TM7SF3: variants seen among roughly 807,000 people sequenced by gnomAD.
TM7SF3 encodes transmembrane 7 superfamily member 3.
A neutral mutation model predicts 65.5 loss-of-function variants in TM7SF3; 60 were observed. The ratio of observed to expected loss-of-function variants is 0.92; its 90% CI spans 0.74 to 1.14. TM7SF3 has a LOEUF of 1.14. TM7SF3 is among the 50% of genes most tolerant of loss of function. The probability of loss-of-function intolerance (pLI) is 0.00; values close to 1 mark genes in which losing one functional copy is unlikely to be tolerated. For synonymous variants in TM7SF3, 264 were observed against 259.6 expected (o/e 1.02, Z -0.16); for missense variants, 623 against 684.8 (o/e 0.91, Z 1.01).
rs549126027 is a variant in TM7SF3 at position 26,999,745 on chromosome 12, G to A, written c.247-69C>T. On this transcript the variant is annotated intron_variant, in intron 2 of 11. Coordinates refer to ENST00000343028, the MANE Select transcript of TM7SF3 (RefSeq NM_016551.3). ...AAACATAAATTACTGAGCTGATCCA[G>A]TGTGCATGTCCTATTCCAAATCTTC... is the stretch of plus-strand genomic sequence containing the variant. 9.8e-6 allele frequency: 15 copies of A among 1,533,510 alleles called. No individual in the cohort carries two copies. The South Asian group carries it at 1.7e-4, about 17-fold the overall frequency. The allele number at this position is 1,533,510 out of a possible 1,614,324, so 95.0% of individuals were successfully genotyped here. A position where few individuals can be genotyped will look rare whatever the true frequency, so the allele number is the denominator to read the frequency against.
intron 1 of TM7SF3, chr12:27,012,826 C>G (rs1450651031): frequency 2.4e-6 from 1 of 412,682 alleles, no homozygotes; most frequent in African/African-American, 2.1e-5. Flanking sequence ...GGTGAAACCC[C>G]GCCTGTACTA....
intron 4 of TM7SF3, among the ~76,000 whole-genome samples, 198 bp downstream of exon 4, chr12:26,996,543 AC>A (rs1167602709): frequency 2.6e-5 from 4 of 152,240 alleles, no homozygotes; most frequent in Admixed American, 1.3e-4. Context: ...AAAAGAGTTC[AC>A]AAGAATGAAG....
At chr12:26,981,571 TTGTTACAGAATCATTCTACA>T (rs1939818116) in intron 7 of TM7SF3, among the ~76,000 whole-genome samples, 2 of 152,160 alleles carry the variant, frequency 1.3e-5, no homozygotes, top group East Asian at 3.8e-4. Context: ...ACTAAGTTCT[TTGTTACAGAATCATTCTACA>T]TGTTGAGATA....
rs1303756344 is a variant in TM7SF3 at position 27,007,112 on chromosome 12, A to T, written c.92-3722T>A. On this transcript the variant is annotated intron_variant, in intron 1 of 11. Transcript: ENST00000343028. ...ATAGACCATGTGAGAATACACAATGATTAGGACCAAAAATTAATCTGCAGT... is the reference window on the plus strand; with the variant it reads ...ATAGACCATGTGAGAATACACAATGTTTAGGACCAAAAATTAATCTGCAGT... Among the ~76,000 whole-genome samples the T allele has an allele frequency of 2.0e-5, 3 of 152,246 alleles. No homozygotes were observed. In the East Asian group the frequency reaches 5.8e-4, roughly 29 times the overall value.
intron 6 of TM7SF3, among the ~76,000 whole-genome samples, chr12:26,985,652 A>AAAATAT (rs1565872267): frequency 1.3e-4 from 5 of 39,116 alleles, no homozygotes; most frequent in Non-Finnish European, 1.7e-4. Flanking sequence ...AAAAAAAAAA[A>AAAATAT]ATATATATAT....
intron 3 of TM7SF3, among the ~76,000 whole-genome samples, 181 bp downstream of exon 3, chr12:26,999,345 G>A (rs1048204486): frequency 3.3e-5 from 5 of 151,694 alleles, no homozygotes; most frequent in African/African-American, 4.8e-5. Context: ...GCAGTGAGCC[G>A]AGATCGCGCC....
chr12:26,976,438 T>A, intron 9 of TM7SF3, 81 bp from the exon 10 acceptor site: 2 of 869,424 alleles, frequency 2.3e-6, no homozygotes, highest in Non-Finnish European at 3.8e-6. Flanking sequence ...TGAACACAGA[T>A]ATACATCAAA....
At chr12:27,002,226 G>A (rs185209413) in intron 2 of TM7SF3, among the ~76,000 whole-genome samples, 22 of 152,236 alleles carry the variant, frequency 1.4e-4, no homozygotes, top group Admixed American at 1.2e-3. Context: ...ACTTTGGGAT[G>A]CCCAGACAGG....
chr12:26,991,939 G>A (rs1400503983), intron 5 of TM7SF3, among the ~76,000 whole-genome samples: 1 of 152,114 alleles, frequency 6.6e-6, no homozygotes, highest in Non-Finnish European at 1.5e-5. Flanking sequence ...CTTGTGAATC[G>A]CAGGGGGCAG....
chr12:26,975,232 G>T (rs1207761600), intron 11 of TM7SF3, among the ~76,000 whole-genome samples: 1 of 152,182 alleles, frequency 6.6e-6, no homozygotes, highest in East Asian at 1.9e-4. Context: ...CTCTGAGAAT[G>T]ACCAGGTAAA....
chr12:26,987,478 G>A (rs901224846), intron 6 of TM7SF3, among the ~76,000 whole-genome samples: 22 of 152,166 alleles, frequency 1.4e-4, no homozygotes, highest in African/African-American at 3.1e-4. Context: ...AGCCACTCAT[G>A]AGCCAAATCT....
In TM7SF3 at chr12:26,985,223, G is replaced by A. The variant is rs184897162; in HGVS notation, c.869-2364C>T. ...ATCGGTTAAAAATATATGGCCAGGCGCAGTGGCTCACGCCTGTAATCCCAG... is the reference window on the plus strand; with the variant it reads ...ATCGGTTAAAAATATATGGCCAGGCACAGTGGCTCACGCCTGTAATCCCAG... On this transcript the variant is annotated intron_variant, in intron 6 of 11. Coordinates refer to ENST00000343028, the MANE Select transcript of TM7SF3 (RefSeq NM_016551.3). Among the ~76,000 whole-genome samples, 22 of 152,248 alleles carry A rather than the reference G, an allele frequency of 1.4e-4. 1 individual carries two copies. The highest frequency in any genetic ancestry group is 3.3e-4 in the Admixed American group (5 of 15,288).
Position 26,975,593 on chromosome 12 carries a change from C to T in TM7SF3, c.1353G>A (p.Trp451Ter). ...AAGTGATGTAGGAAAGGCTTGTGGA[C>T]CAGTAACTGTCAATGGCTAAAACCA... is the stretch of plus-strand genomic sequence containing the variant. The part of the protein sequence containing the change: ...YSVVLAIDSY[W>*]STSLSYITLN... Residue 451 changes from tryptophan to a stop codon, truncating the protein, a stop_gained, in exon 11 of 12, where the codon TGG becomes TGA. Coordinates refer to ENST00000343028, the MANE Select transcript of TM7SF3 (RefSeq NM_016551.3). LOFTEE classifies it high-confidence loss of function. The T allele has an allele frequency of 6.2e-7, 1 of 1,614,106 alleles. No individual in the cohort carries two copies. The highest frequency in any genetic ancestry group is 1.1e-5 in the South Asian group (1 of 91,078).
chr12:27,014,107 GC>G lies in TM7SF3; in HGVS notation c.61del (p.Ala21GlnfsTer42), dbSNP rs1941349789. The G allele has an allele frequency of 2.5e-6, 4 of 1,573,068 alleles. No homozygotes were observed. The East Asian group carries it at 9.3e-5, about 37-fold the overall frequency. ...GCTGGAATTCCCGAAGACCTCGGCT[GC>G]ACCAGCCACCCGGTGTTCGGATGCC... ...VLASEHRVAG[A>X]AEVFGNSSEG... On this transcript the variant is annotated frameshift_variant, in exon 1 of 12. Transcript: ENST00000343028. LOFTEE classifies it high-confidence loss of function.
chr12:27,011,110 T>G (rs1192566095), intron 1 of TM7SF3, among the ~76,000 whole-genome samples: 1 of 152,210 alleles, frequency 6.6e-6, no homozygotes, highest in Non-Finnish European at 1.5e-5. Context: ...AATTTCTCAT[T>G]GTTATCTTCT....
chr12:27,008,446 C>G (rs7978228), intron 1 of TM7SF3, among the ~76,000 whole-genome samples: 1 of 152,038 alleles, frequency 6.6e-6, no homozygotes, highest in Non-Finnish European at 1.5e-5. Flanking sequence ...CTGACAGATA[C>G]GTTGCGAATA....
Position 26,973,245 on chromosome 12 carries a change from G to A in TM7SF3, c.*720C>T, listed in dbSNP as rs533486599. The A allele has an allele frequency of 8.0e-5, 12 of 150,820 alleles. No homozygotes were observed. The South Asian group carries it at 2.1e-3, about 26-fold the overall frequency. 9.3% of individuals were successfully genotyped at this position (150,820 alleles called of 1,614,324 possible). On this transcript the variant is annotated 3_prime_UTR_variant, in exon 12 of 12. Transcript: ENST00000343028. ...AGCTGGAGTGCAGTGACACAATCAAGGCTCACTGTAGCCTCAATCTTCAGG... is the reference window on the plus strand; with the variant it reads ...AGCTGGAGTGCAGTGACACAATCAAAGCTCACTGTAGCCTCAATCTTCAGG...
In TM7SF3 at chr12:26,987,104, C is replaced by A. The variant is rs140884279; in HGVS notation, c.868+3346G>T. On this transcript the variant is annotated intron_variant, in intron 6 of 11. Transcript: ENST00000343028. ...CCTGCCTCTCCCACCTCCCCTTCCA[C>A]CTCTGCCTCCCCTTTATAGATAACA... Among the ~76,000 whole-genome samples, 985 of 152,252 alleles carry A rather than the reference C, an allele frequency of 6.5e-3. 16 individuals are homozygous for A. The highest frequency in any genetic ancestry group is 0.022 in the African/African-American group (906 of 41,542).
intron 2 of TM7SF3, 95 bp from the exon 3 acceptor site, chr12:26,999,771 CCAAAA>C (rs1229195896): frequency 1.5e-6 from 2 of 1,312,804 alleles, no homozygotes; most frequent in Non-Finnish European, 2.1e-6. Flanking sequence ...CCAAATCTTC[CCAAAA>C]CAAATAGAAA....
Sources: allele counts gnomAD v4.1 joint callset (sites outside exome capture counted in the v4.1 genomes callset), GRCh38; gene constraint gnomAD v4.1.1; transcripts MANE v1.5; gene names NCBI Gene and HGNC (gene_info 2026-07-23, HGNC 2026-07-21).